The following GABRB3 variants were observed in gnomAD, a reference collection of about 807,000 sequenced individuals.
GABRB3 encodes gamma-aminobutyric acid type A receptor subunit beta3.
A neutral mutation model predicts 52.1 loss-of-function variants in GABRB3; 14 were observed. The ratio of observed to expected loss-of-function variants is 0.27; its 90% confidence interval spans 0.18 to 0.42. The LOEUF is 0.42. GABRB3 is among the 10% of genes least tolerant of loss of function. GABRB3 has a pLI of 1.00. For missense variants in GABRB3, 307 were observed against 609.1 expected (o/e 0.50, Z 5.22); for synonymous variants, 260 against 232.3 (o/e 1.12, Z -1.08).
intron 8 of GABRB3, among the ~76,000 whole-genome samples, chr15:26,552,327 T>C (rs766041857): frequency 6.6e-6 from 1 of 152,194 alleles, no homozygotes; most frequent in Non-Finnish European, 1.5e-5. Flanking sequence ...CATCTGTCCT[T>C]TCTGTTTTCT....
intron 3 of GABRB3, chr15:26,657,359 A>G (rs1410604779): frequency 6.6e-6 from 1 of 152,224 alleles, no homozygotes; most frequent in African/African-American, 2.4e-5. Flanking sequence ...CTTGAATCCT[A>G]ATTGCCAAAT....
rs1566832970 is a variant in GABRB3 at position 26,760,827 on chromosome 15, AAG to A, written c.240+11573_240+11574del. On this transcript the variant is annotated intron_variant, in intron 3 of 8. Coordinates refer to ENST00000311550, the MANE Select transcript of GABRB3 (RefSeq NM_000814.6). ...CGCGCACGCACACACACACACACAC[AAG>A]CAAACAAACAAAAACCCACCACAAT... 2.4e-3 allele frequency among the ~76,000 whole-genome samples: 364 copies of A among 151,452 alleles called. 1 individual carries two copies. Among genetic ancestry groups the A allele is most frequent in the African/African-American group, 8.5e-3 (349 of 41,274 alleles).
chr15:26,729,018 T>C (rs1353445204), intron 3 of GABRB3, among the ~76,000 whole-genome samples: 1 of 152,184 alleles, frequency 6.6e-6, no homozygotes, highest in East Asian at 1.9e-4. Flanking sequence ...GTGAGTCAAG[T>C]CTGACTTAAG....
rs368200076 is a variant in GABRB3, at chr15:26,548,182, T to G, written c.1081-48A>C. 30 of 1,444,594 alleles carry G rather than the reference T, an allele frequency of 2.1e-5. No homozygotes were observed. The African/African-American group carries it at 4.2e-4, about 20-fold the overall frequency. 89.5% of individuals were successfully genotyped at this position (1,444,594 alleles called of 1,614,324 possible). On this transcript the variant is annotated intron_variant, in intron 8 of 8. Transcript: ENST00000311550. ...TGGTTAGACAGCCAGCAGCATAATT[T>G]CCCTATGCAGATCCCGGACAGAATG...
At chr15:26,755,316 T>A (rs1031759558) in intron 3 of GABRB3, among the ~76,000 whole-genome samples, 1 of 151,414 alleles carries the variant, frequency 6.6e-6, no homozygotes, top group Admixed American at 6.6e-5. Flanking sequence ...CCCCTAACAA[T>A]TTTTTTCCCA....
intron 3 of GABRB3, among the ~76,000 whole-genome samples, chr15:26,716,433 G>C (rs1019356265): frequency 6.6e-6 from 1 of 152,132 alleles, no homozygotes; most frequent in African/African-American, 2.4e-5. Context: ...TCAGAGCTAA[G>C]AGCTCCCCTC....
intron 3 of GABRB3, among the ~76,000 whole-genome samples, chr15:26,739,056 G>T (rs1890136225): frequency 6.6e-6 from 1 of 152,074 alleles, no homozygotes; most frequent in Admixed American, 6.6e-5. Context: ...GCTCAAATAT[G>T]GGCTTAGAGA....
intron 4 of GABRB3, among the ~76,000 whole-genome samples, chr15:26,600,647 G>A (rs181897646): frequency 8.5e-5 from 13 of 152,200 alleles, no homozygotes; most frequent in Admixed American, 3.3e-4. Flanking sequence ...ATTTAGAAAC[G>A]ACAAAGAAAT....
chr15:26,729,604 T>G (rs1889856840), intron 3 of GABRB3, among the ~76,000 whole-genome samples: 1 of 152,178 alleles, frequency 6.6e-6, no homozygotes, highest in Admixed American at 6.5e-5. Flanking sequence ...TCTCTGTGGA[T>G]GTGGAGGGTG....
At chr15:26,590,034 G>A (rs940516870) in intron 4 of GABRB3, among the ~76,000 whole-genome samples, 5 of 152,090 alleles carry the variant, frequency 3.3e-5, no homozygotes, top group Non-Finnish European at 5.9e-5. Context: ...GAACCTCCAC[G>A]GGGTCACCGG....
chr15:26,585,490 G>A (rs899326196), intron 4 of GABRB3, among the ~76,000 whole-genome samples: 1 of 147,028 alleles, frequency 6.8e-6, no homozygotes, highest in Non-Finnish European at 1.5e-5. Flanking sequence ...CCTAAACTCA[G>A]GTGATAAAGT....
At chr15:26,560,715 T>C (rs1889947612) in intron 8 of GABRB3, among the ~76,000 whole-genome samples, 1 of 152,094 alleles carries the variant, frequency 6.6e-6, no homozygotes. Context: ...CTCTGGCCAG[T>C]CCTAGCTAGA....
chr15:26,773,052 C>T lies in GABRB3; in HGVS notation c.-90G>A. The T allele has an allele frequency of 9.3e-7, 1 of 1,076,606 alleles. No individual in the cohort carries two copies. The highest frequency in any genetic ancestry group is 1.1e-6 in the Non-Finnish European group (1 of 889,920). 66.7% of individuals were successfully genotyped at this position (1,076,606 alleles called of 1,614,324 possible). On this transcript the variant is annotated 5_prime_UTR_variant, in exon 1 of 9. Coordinates refer to ENST00000311550, the MANE Select transcript of GABRB3 (RefSeq NM_000814.6). ...CTGCTCCTGCTGCTGCCGCCGCCGC[C>T]GCCGCCGCCGCGCTGGCCCGGAGCG...
At chr15:26,749,661 T>C (rs1185170484) in intron 3 of GABRB3, among the ~76,000 whole-genome samples, 1 of 152,168 alleles carries the variant, frequency 6.6e-6, no homozygotes, top group Non-Finnish European at 1.5e-5. Flanking sequence ...CATGCAGCTT[T>C]TGGATGGTGT....
chr15:26,772,424 T>C lies in GABRB3; in HGVS notation c.218A>G (p.Asp73Gly). Residue 73 changes from aspartate to glycine, a missense_variant, in exon 3 of 9, where the codon GAC becomes GGC. Physicochemically the swap from Asp to Gly is moderately conservative, Grantham distance 94. Transcript: ENST00000311550. ...VGMNIDIASIDMVSEVNMDYT... is the reference protein window; with the variant it reads ...VGMNIDIASIGMVSEVNMDYT... ...CACCATGTTGACTTCGGAAACCATG[T>C]CGATGCTGGCGATGTCGATGTTCAT... 1 of 1,610,614 alleles carries C rather than the reference T, an allele frequency of 6.2e-7. No individual in the cohort carries two copies. The highest frequency in any genetic ancestry group is 8.5e-7 in the Non-Finnish European group (1 of 1,178,394).
rs149426204 is a variant in GABRB3 at position 26,566,582 on chromosome 15, CAA to C, written c.835+997_835+998del. The stretch of plus-strand genomic sequence containing the variant: ...CTCTACAAAAAATTAAAAAATTAGC[CAA>C]GTGTGGTGGTGTGTGCCTGTTGTCC... On this transcript the variant is annotated intron_variant, in intron 7 of 8. Transcript: ENST00000311550. 5.5e-3 allele frequency among the ~76,000 whole-genome samples: 839 copies of C among 152,082 alleles called. 8 individuals are homozygous for C. The highest frequency in any genetic ancestry group is 0.02 in the African/African-American group (809 of 41,476).
intron 3 of GABRB3, among the ~76,000 whole-genome samples, chr15:26,704,727 A>G (rs1889043475): frequency 6.6e-6 from 1 of 152,234 alleles, no homozygotes. Context: ...GTCCTACAGC[A>G]TGTATATAAT....
intron 3 of GABRB3, among the ~76,000 whole-genome samples, chr15:26,746,221 G>T: frequency 6.7e-6 from 1 of 149,092 alleles, no homozygotes. Flanking sequence ...TAATTATGTT[G>T]GACATTTTTG....
At chr15:26,747,403 T>C (rs964776989) in intron 3 of GABRB3, among the ~76,000 whole-genome samples, 1 of 152,222 alleles carries the variant, frequency 6.6e-6, no homozygotes, top group African/African-American at 2.4e-5. Context: ...TCATTTCTTT[T>C]AACAGCATTT....
Sources: allele counts gnomAD v4.1 joint callset (sites outside exome capture counted in the v4.1 genomes callset), GRCh38; gene constraint gnomAD v4.1.1; transcripts MANE v1.5; gene names NCBI Gene and HGNC (gene_info 2026-07-23, HGNC 2026-07-21).